The following ROBO2 variants were observed in gnomAD, a reference collection of about 807,000 sequenced individuals.
ROBO2 encodes roundabout guidance receptor 2.
Under a neutral mutation model 160.8 loss-of-function variants are expected in ROBO2, and 53 were observed. The ratio of observed to expected loss-of-function variants is 0.33; its 90% CI spans 0.26 to 0.41. The LOEUF (loss-of-function observed/expected upper bound fraction) is 0.41. ROBO2 is among the 10% of genes least tolerant of loss of function. ROBO2 has a pLI of 1.00. For synonymous variants in ROBO2, 664 were observed against 611.7 expected, an observed-to-expected ratio of 1.09 and a Z score of -1.26; for missense variants, 1,577 against 1,722.4, an observed-to-expected ratio of 0.92 and a Z score of 1.49.
intron 2 of ROBO2, among the ~76,000 whole-genome samples, chr3:77,296,048 G>T (rs1251413909): frequency 1.3e-5 from 2 of 151,496 alleles, no homozygotes; most frequent in Non-Finnish European, 2.9e-5. Context: ...AGAATTGATG[G>T]TTAAACGGGT....
At chr3:76,783,556 C>G (rs748020951) in intron 2 of ROBO2, among the ~76,000 whole-genome samples, 6 of 149,512 alleles carry the variant, frequency 4.0e-5, no homozygotes, top group Non-Finnish European at 7.5e-5. Context: ...TCATCCAACA[C>G]TCTCCTGCTC....
At chr3:76,353,447 C>G (rs1488466835) in intron 2 of ROBO2, among the ~76,000 whole-genome samples, 1 of 151,868 alleles carries the variant, frequency 6.6e-6, no homozygotes, top group South Asian at 2.1e-4. Context: ...TGTGCTTCAT[C>G]TATATAAAAG....
At chr3:76,457,716 T>G (rs2077848255) in intron 2 of ROBO2, among the ~76,000 whole-genome samples, 1 of 152,170 alleles carries the variant, frequency 6.6e-6, no homozygotes, top group Non-Finnish European at 1.5e-5. Flanking sequence ...TGCCTGGGCA[T>G]CCAGGCATTT....
chr3:77,435,215 A>G (rs996994050), intron 2 of ROBO2, among the ~76,000 whole-genome samples: 1 of 151,988 alleles, frequency 6.6e-6, no homozygotes, highest in African/African-American at 2.4e-5. Context: ...AATTTACATA[A>G]CACTAATATA....
chr3:76,038,402 A>G (rs1248176946), intron 2 of ROBO2, among the ~76,000 whole-genome samples: 2 of 152,026 alleles, frequency 1.3e-5, no homozygotes, highest in Non-Finnish European at 2.9e-5. Context: ...AGCAAGAATT[A>G]TAGAGGTGTA....
At chr3:76,741,305 A>ATT (rs1456770792) in intron 2 of ROBO2, among the ~76,000 whole-genome samples, 1 of 152,124 alleles carries the variant, frequency 6.6e-6, no homozygotes, top group Non-Finnish European at 1.5e-5. Context: ...TTGATGGTTA[A>ATT]CTAATTAACA....
chr3:76,228,397 A>G (rs1481123979), intron 2 of ROBO2, among the ~76,000 whole-genome samples: 1 of 152,190 alleles, frequency 6.6e-6, no homozygotes, highest in African/African-American at 2.4e-5. Context: ...TAGATCATTA[A>G]ATCCTAAACA....
chr3:76,238,002 A>G (rs1395707212), intron 2 of ROBO2, among the ~76,000 whole-genome samples: 1 of 152,142 alleles, frequency 6.6e-6, no homozygotes, highest in Non-Finnish European at 1.5e-5. Context: ...CTTTTGATGG[A>G]AAGAAGTCCC....
chr3:76,450,330 T>G (rs1459428407), intron 2 of ROBO2, among the ~76,000 whole-genome samples: 1 of 152,212 alleles, frequency 6.6e-6, no homozygotes, highest in Non-Finnish European at 1.5e-5. Context: ...GTTTTATAGG[T>G]AATTGAGACT....
At chr3:76,521,395 G>T (rs2081610905) in intron 2 of ROBO2, among the ~76,000 whole-genome samples, 1 of 152,114 alleles carries the variant, frequency 6.6e-6, no homozygotes. Context: ...GGAGGTCCTA[G>T]TCAGTAGGTC....
chr3:76,687,473 T>C (rs2092709826), intron 2 of ROBO2, among the ~76,000 whole-genome samples: 2 of 151,986 alleles, frequency 1.3e-5, no homozygotes, highest in Non-Finnish European at 2.9e-5. Context: ...GCCTTAAAGA[T>C]GACAGTCACA....
At chr3:76,719,909 T>A (rs1461272078) in intron 2 of ROBO2, among the ~76,000 whole-genome samples, 4 of 151,690 alleles carry the variant, frequency 2.6e-5, no homozygotes, top group Admixed American at 6.6e-5. Context: ...AGCATTTCTT[T>A]AGAGAAAAAA....
intron 2 of ROBO2, among the ~76,000 whole-genome samples, chr3:77,103,002 A>C (rs2072216141): frequency 6.6e-6 from 1 of 152,186 alleles, no homozygotes; most frequent in Admixed American, 6.5e-5. Context: ...GCTAATACAT[A>C]GTTTTCCAAT....
chr3:76,627,011 G>A (rs572277185), intron 2 of ROBO2, among the ~76,000 whole-genome samples: 1 of 152,202 alleles, frequency 6.6e-6, no homozygotes, highest in South Asian at 2.1e-4. Context: ...ATTCTTAAGG[G>A]ACAATCTAAT....
intron 2 of ROBO2, among the ~76,000 whole-genome samples, chr3:77,140,009 G>A (rs969001076): frequency 6.6e-6 from 1 of 152,206 alleles, no homozygotes; most frequent in African/African-American, 2.4e-5. Flanking sequence ...AGGAGGGGAT[G>A]AAAGAAGGGT....
intron 2 of ROBO2, among the ~76,000 whole-genome samples, chr3:77,294,859 G>C (rs969709234): frequency 6.7e-6 from 1 of 150,240 alleles, no homozygotes; most frequent in African/African-American, 2.5e-5. Flanking sequence ...GTTGAGGCTA[G>C]AACAGTAAAG....
intron 2 of ROBO2, among the ~76,000 whole-genome samples, chr3:76,219,329 T>C (rs889393618): frequency 8.5e-5 from 13 of 152,116 alleles, no homozygotes; most frequent in African/African-American, 3.1e-4. Flanking sequence ...ACAAATGGGA[T>C]CTAATTAAAC....
intron 2 of ROBO2, among the ~76,000 whole-genome samples, chr3:76,363,346 A>G (rs1425846741): frequency 6.6e-6 from 1 of 152,096 alleles, no homozygotes; most frequent in African/African-American, 2.4e-5. Context: ...ATAAGAAATT[A>G]ATGAATGAAT....
At chr3:77,496,908 A>G (rs80333814) in intron 5 of ROBO2, among the ~76,000 whole-genome samples, 1,953 of 152,072 alleles carry the variant, frequency 0.013, 37 homozygotes, top group African/African-American at 0.043. Context: ...TCTTTCTTTT[A>G]TTTAGTCTTA....
Sources: gnomAD v4.1 joint callset for allele counts (sites outside exome capture counted in the v4.1 genomes callset) on GRCh38, gnomAD v4.1.1 for gene constraint, MANE v1.5 for transcripts, NCBI Gene and HGNC (gene_info 2026-07-23, HGNC 2026-07-21) for gene names.